Variants in ZFYVE9 observed in about 807,000 individuals in gnomAD.
The protein encoded by ZFYVE9 is zinc finger FYVE-type containing 9.
ZFYVE9 carries 43 observed loss-of-function variants against 126.7 expected under a neutral mutation model. The ratio of observed to expected loss-of-function variants is 0.34; its 90% CI spans 0.27 to 0.44. ZFYVE9 has a LOEUF of 0.44. Ranked by LOEUF, ZFYVE9 falls within the 20% of genes least tolerant of loss-of-function variation. The pLI is 1.00. For synonymous variants in ZFYVE9, 521 were observed against 597.4 expected, an observed-to-expected ratio of 0.87 and a Z score of 1.87; for missense variants, 1,476 against 1,697.0, an observed-to-expected ratio of 0.87 and a Z score of 2.29.
chr1:52,225,300 G>A (rs899398729), intron 2 of ZFYVE9, among the ~76,000 whole-genome samples: 21 of 152,208 alleles, frequency 1.4e-4, no homozygotes, highest in African/African-American at 4.6e-4. Context: ...GCAGTGGGAT[G>A]CGTCTCCCCA....
intron 1 of ZFYVE9, among the ~76,000 whole-genome samples, chr1:52,195,864 C>T (rs1644854951): frequency 6.6e-6 from 1 of 151,862 alleles, no homozygotes; most frequent in African/African-American, 2.4e-5. Flanking sequence ...CCGATCTCAG[C>T]ACACTGCAGC....
chr1:52,167,409 C>T (rs529346365), intron 1 of ZFYVE9, among the ~76,000 whole-genome samples: 1 of 152,138 alleles, frequency 6.6e-6, no homozygotes, highest in African/African-American at 2.4e-5. Flanking sequence ...GTGATTTGGC[C>T]TGCCTTGGAT....
chr1:52,259,703 A>G (rs115206565), intron 4 of ZFYVE9, among the ~76,000 whole-genome samples: 8,156 of 151,808 alleles, frequency 0.054, 236 homozygotes, highest in South Asian at 0.076. Flanking sequence ...AGGCTGAAGC[A>G]CCAGAATCGC....
At chr1:52,173,250 C>T (rs1644590564) in intron 1 of ZFYVE9, among the ~76,000 whole-genome samples, 2 of 152,198 alleles carry the variant, frequency 1.3e-5, no homozygotes, top group South Asian at 4.2e-4. Flanking sequence ...TCTGCATCTA[C>T]TGAGATAATC....
intron 13 of ZFYVE9, among the ~76,000 whole-genome samples, chr1:52,321,078 T>A (rs1557518903): frequency 6.6e-6 from 1 of 152,184 alleles, no homozygotes; most frequent in African/African-American, 2.4e-5. Flanking sequence ...TGTGAAATCA[T>A]GTATTTGTAC....
At chr1:52,196,587 A>G (rs1157262816) in intron 1 of ZFYVE9, among the ~76,000 whole-genome samples, 1 of 152,230 alleles carries the variant, frequency 6.6e-6, no homozygotes, top group Non-Finnish European at 1.5e-5. Flanking sequence ...CAGTGAGCCA[A>G]GATCACACCA....
At chr1:52,345,784 T>A in intron 18 of ZFYVE9, 1 of 296,314 alleles carries the variant, frequency 3.4e-6, no homozygotes. Context: ...TTTCTGATAC[T>A]CCATACCTTT....
At chr1:52,308,656 C>G (rs1331297324) in intron 13 of ZFYVE9, among the ~76,000 whole-genome samples, 1 of 152,198 alleles carries the variant, frequency 6.6e-6, no homozygotes, top group Non-Finnish European at 1.5e-5. Context: ...CTTCACCTGC[C>G]TAACCCCCAC....
At chr1:52,220,725 T>G (rs1225862941) in intron 2 of ZFYVE9, among the ~76,000 whole-genome samples, 1 of 152,114 alleles carries the variant, frequency 6.6e-6, no homozygotes, top group Non-Finnish European at 1.5e-5. Flanking sequence ...TTCCCTTCCA[T>G]CTGGTAATGC....
chr1:52,279,484 GACAGAGTCTCACTCTGTC>G (rs575442890), intron 9 of ZFYVE9, among the ~76,000 whole-genome samples: 74 of 152,186 alleles, frequency 4.9e-4, no homozygotes, highest in African/African-American at 1.5e-3. Context: ...AATTTTTTGA[GACAGAGTCTCACTCTGTC>G]ACCCAGGCTG....
At chr1:52,143,759 G>C (rs755915498) in intron 1 of ZFYVE9, among the ~76,000 whole-genome samples, 1 of 152,132 alleles carries the variant, frequency 6.6e-6, no homozygotes, top group Non-Finnish European at 1.5e-5. Context: ...TAAAACAGAA[G>C]AATATGGGTA....
intron 13 of ZFYVE9, among the ~76,000 whole-genome samples, chr1:52,332,091 A>G (rs1367554433): frequency 6.6e-6 from 1 of 152,096 alleles, no homozygotes; most frequent in Admixed American, 6.6e-5. Context: ...CAAACTCTTT[A>G]TAGAAATAAA....
At chr1:52,234,453 C>A (rs947749003) in intron 3 of ZFYVE9, among the ~76,000 whole-genome samples, 3 of 152,048 alleles carry the variant, frequency 2.0e-5, no homozygotes, top group Non-Finnish European at 4.4e-5. Context: ...AGAGTGAGAC[C>A]CTGTCTTAAA....
chr1:52,167,631 C>T (rs1298996543), intron 1 of ZFYVE9, among the ~76,000 whole-genome samples: 6 of 152,128 alleles, frequency 3.9e-5, no homozygotes, highest in African/African-American at 9.7e-5. Flanking sequence ...ACAGGACACC[C>T]ACTTCTCAGA....
At chr1:52,310,435 G>A (rs1295165796) in intron 13 of ZFYVE9, among the ~76,000 whole-genome samples, 3 of 152,080 alleles carry the variant, frequency 2.0e-5, no homozygotes, top group Non-Finnish European at 4.4e-5. Context: ...TTAGCTGGGT[G>A]CCATAGTGAA....
intron 1 of ZFYVE9, among the ~76,000 whole-genome samples, chr1:52,181,615 C>T (rs566464739): frequency 0.016 from 2,382 of 150,170 alleles, 71 homozygotes; most frequent in African/African-American, 0.052. Flanking sequence ...TCTGCCCGCC[C>T]GCCATCCCAT....
intron 4 of ZFYVE9, among the ~76,000 whole-genome samples, chr1:52,255,918 CTTTTCTTTT>C (rs1557483974): frequency 1.7e-4 from 14 of 81,500 alleles, no homozygotes; most frequent in African/African-American, 9.9e-4. Context: ...CTTTTCTTTT[CTTTTCTTTT>C]CTTTTCTTTT....
At chr1:52,148,217 G>C (rs1258919657) in intron 1 of ZFYVE9, among the ~76,000 whole-genome samples, 2 of 152,020 alleles carry the variant, frequency 1.3e-5, no homozygotes, top group African/African-American at 4.8e-5. Context: ...GCTCACGCCT[G>C]TAATCCCAGC....
rs201757703 is a variant in ZFYVE9 at position 52,283,882 on chromosome 1, TA to T, written c.3025+2071del. 3.9e-3 allele frequency among the ~76,000 whole-genome samples: 598 copies of T among 152,340 alleles called. 13 individuals carry two copies. The South Asian group carries it at 0.044, about 11-fold the overall frequency. Reference sequence around the variant, plus strand: ...TTATACCTCAGTAAAATTTATTTTTTAAAAAGATATTGCAGGAATCCAGCAA... The same window carrying T: ...TTATACCTCAGTAAAATTTATTTTTTAAAAGATATTGCAGGAATCCAGCAA... On this transcript the variant is annotated intron_variant, in intron 10 of 18. Coordinates refer to ENST00000287727, the MANE Select transcript of ZFYVE9 (RefSeq NM_004799.4).
Sources: allele counts gnomAD v4.1 joint callset (sites outside exome capture counted in the v4.1 genomes callset), GRCh38; gene constraint gnomAD v4.1.1; transcripts MANE v1.5; gene names NCBI Gene and HGNC (gene_info 2026-07-23, HGNC 2026-07-21).